Variants in VIPR2 observed in about 807,000 individuals in gnomAD.
The protein encoded by VIPR2 is vasoactive intestinal polypeptide receptor 2.
VIPR2 carries 48 observed loss-of-function variants against 58.0 expected under a neutral mutation model. That is an observed-to-expected ratio of 0.83 (90% CI 0.66 to 1.05). VIPR2 has a LOEUF of 1.05. Among genes scored for constraint, VIPR2 ranks in the 50% least tolerant of loss-of-function variants. The pLI is 0.00. For synonymous variants in VIPR2, 243 were observed against 235.2 expected (o/e 1.03, Z -0.30); for missense variants, 534 against 558.0 (o/e 0.96, Z 0.43).
At chr7:159,048,587 A>C (rs1445714148) in intron 5 of VIPR2, among the ~76,000 whole-genome samples, 3 of 152,254 alleles carry the variant, frequency 2.0e-5, no homozygotes, top group Non-Finnish European at 2.9e-5. Context: ...TAGCTCATTA[A>C]TATTTTTATA....
chr7:159,076,256 A>G (rs1470244531), intron 4 of VIPR2, among the ~76,000 whole-genome samples: 2 of 152,216 alleles, frequency 1.3e-5, no homozygotes, highest in African/African-American at 4.8e-5. Flanking sequence ...GAAAAGAAAA[A>G]AACAAAAATG....
intron 2 of VIPR2, among the ~76,000 whole-genome samples, chr7:159,115,411 A>C (rs1253225133): frequency 6.6e-6 from 1 of 152,236 alleles, no homozygotes; most frequent in Non-Finnish European, 1.5e-5. Context: ...CCATGTAAAT[A>C]ATCCAAAATA....
intron 2 of VIPR2, among the ~76,000 whole-genome samples, chr7:159,138,833 T>C (rs1294487420): frequency 1.3e-5 from 2 of 152,232 alleles, no homozygotes; most frequent in African/African-American, 4.8e-5. Flanking sequence ...TTTTTCTATG[T>C]GCATATTAGA....
chr7:159,102,056 G>A lies in VIPR2; in HGVS notation c.357+1701C>T, dbSNP rs545976925. Among the ~76,000 whole-genome samples, 569 of 113,704 alleles carry A rather than the reference G, an allele frequency of 5.0e-3. 6 individuals are homozygous for A. The highest frequency in any genetic ancestry group is 0.014 in the African/African-American group (478 of 34,730). The allele number at this position is 113,704 out of a possible 152,430, so 74.6% of individuals were successfully genotyped here. On this transcript the variant is annotated intron_variant, in intron 4 of 12. Transcript: ENST00000262178. ...TCCTGTGATAGTGAACGGGTCTCACGAGATCCGACGAGGCCATTCCCCCGA... is the reference window on the plus strand; with the variant it reads ...TCCTGTGATAGTGAACGGGTCTCACAAGATCCGACGAGGCCATTCCCCCGA...
intron 4 of VIPR2, among the ~76,000 whole-genome samples, chr7:159,070,714 T>C (rs936715738): frequency 2.6e-5 from 4 of 152,248 alleles, no homozygotes; most frequent in Admixed American, 6.5e-5. Flanking sequence ...TTAAAATTTG[T>C]GTTTGTCTTC....
At chr7:159,087,803 AC>A (rs879445190) in intron 4 of VIPR2, among the ~76,000 whole-genome samples, 2,220 of 146,456 alleles carry the variant, frequency 0.015, 43 homozygotes, top group East Asian at 0.086. Context: ...ATAGTGAGAT[AC>A]GGCTTCCCCA....
chr7:159,142,869 C>G (rs148583826), intron 1 of VIPR2, among the ~76,000 whole-genome samples: 1 of 152,350 alleles, frequency 6.6e-6, no homozygotes, highest in Middle Eastern at 3.4e-3. Flanking sequence ...CCCGGCTCCT[C>G]CGTTTCACAC....
At chr7:159,036,384 T>C (rs1196308304) in intron 7 of VIPR2, among the ~76,000 whole-genome samples, 5 of 152,238 alleles carry the variant, frequency 3.3e-5, no homozygotes, top group Non-Finnish European at 5.9e-5. Flanking sequence ...TTTGCACCCC[T>C]TTCCAACCCT....
Position 159,043,120 on chromosome 7 carries a change from A to G in VIPR2, c.512T>C (p.Leu171Pro). ...IHLNLFLSFI[L>P]RAISVLVKDD... ...CTTGACCAGCACTGAGATGGCTCTC[A>G]GGATGAAGGACAGGAACAGGTTCAG... Residue 171 changes from leucine (L) to proline (P), a missense_variant, in exon 6 of 13, where the codon CTG becomes CCG. Leu to Pro is a moderately conservative substitution (Grantham distance 98, BLOSUM62 -3). This residue lies in a region of VIPR2 where 224 missense variants were observed against 255.7 expected (regional missense o/e 0.88). Transcript: ENST00000262178. The G allele has an allele frequency of 6.2e-7, 1 of 1,611,934 alleles. No homozygotes were observed. The highest frequency in any genetic ancestry group is 8.5e-7 in the Non-Finnish European group (1 of 1,178,598).
intron 4 of VIPR2, among the ~76,000 whole-genome samples, chr7:159,076,685 C>A (rs541043997): frequency 6.6e-6 from 1 of 151,814 alleles, no homozygotes; most frequent in African/African-American, 2.4e-5. Context: ...TTAATTGGCT[C>A]AAAGAAAAAT....
At position 159,034,568 on chromosome 7, in the gene VIPR2, AG is replaced by A; in HGVS notation, c.879+12del. 6.2e-7 allele frequency: 1 copy of A among 1,611,318 alleles called. No individual in the cohort carries two copies. The highest frequency in any genetic ancestry group is 8.5e-7 in the Non-Finnish European group (1 of 1,177,488). On this transcript the variant is annotated intron_variant, in intron 9 of 12. Transcript: ENST00000262178. ...TTCCACAGATAATCCACATGTCAACAGGGACTACTTACGATGATGGAAATTA... is the reference window on the plus strand; with the variant it reads ...TTCCACAGATAATCCACATGTCAACAGGACTACTTACGATGATGGAAATTA...
intron 4 of VIPR2, among the ~76,000 whole-genome samples, 200 bp downstream of exon 4, chr7:159,103,557 C>T (rs1035130080): frequency 7.9e-5 from 12 of 152,262 alleles, no homozygotes; most frequent in Admixed American, 3.3e-4. Flanking sequence ...TGCAAAATGA[C>T]GGAACAATCA....
At chr7:159,125,308 T>G (rs3793239) in intron 2 of VIPR2, among the ~76,000 whole-genome samples, 62,125 of 152,096 alleles carry the variant, frequency 0.41, 15,623 homozygotes, top group African/African-American at 0.72. Context: ...ACCTTGCAAA[T>G]CCAGTTGGCG....
At chr7:159,050,225 T>A (rs1352084805) in intron 5 of VIPR2, among the ~76,000 whole-genome samples, 1 of 151,788 alleles carries the variant, frequency 6.6e-6, no homozygotes, top group Non-Finnish European at 1.5e-5. Context: ...TAATCCCAGC[T>A]ACTTGAGAGA....
intron 2 of VIPR2, among the ~76,000 whole-genome samples, chr7:159,135,428 T>G (rs1224574075): frequency 2.0e-5 from 3 of 151,948 alleles, no homozygotes; most frequent in Non-Finnish European, 4.4e-5. Context: ...TGCGTGAGGC[T>G]CCGTTTCAAA....
intron 2 of VIPR2, among the ~76,000 whole-genome samples, chr7:159,140,631 T>C (rs756452211): frequency 3.3e-5 from 5 of 152,236 alleles, no homozygotes; most frequent in Non-Finnish European, 7.3e-5. Flanking sequence ...GTAGACACCT[T>C]GTCGCTGCAA....
chr7:159,100,024 C>T (rs761812072), intron 4 of VIPR2, among the ~76,000 whole-genome samples: 16 of 152,194 alleles, frequency 1.1e-4, no homozygotes, highest in Non-Finnish European at 1.8e-4. Flanking sequence ...CAACACTCAA[C>T]TCAGTCTTCT....
chr7:159,131,408 A>G (rs774081914), intron 2 of VIPR2, among the ~76,000 whole-genome samples: 1 of 152,184 alleles, frequency 6.6e-6, no homozygotes, highest in Non-Finnish European at 1.5e-5. Flanking sequence ...CATTTCCTCT[A>G]CCTACCCAGA....
chr7:159,101,334 CCTGA>C (rs1858219584), intron 4 of VIPR2, among the ~76,000 whole-genome samples: 1 of 116,868 alleles, frequency 8.6e-6, no homozygotes, highest in Non-Finnish European at 1.8e-5. Flanking sequence ...AGGCGGTTCC[CCTGA>C]CTGTTCCTGT....
Sources: allele counts gnomAD v4.1 joint callset (sites outside exome capture counted in the v4.1 genomes callset), GRCh38; gene constraint gnomAD v4.1.1; regional missense constraint gnomAD v4.1.1; transcripts MANE v1.5; gene names NCBI Gene and HGNC (gene_info 2026-07-23, HGNC 2026-07-21).